Variants in ELAPOR1 observed in about 807,000 individuals in gnomAD.
ELAPOR1 encodes the protein endosome/lysosome-associated apoptosis and autophagy regulator 1.
Under a neutral mutation model 119.7 loss-of-function variants are expected in ELAPOR1, and 77 were observed. The ratio of observed to expected loss-of-function variants is 0.64; its 90% CI spans 0.54 to 0.78. The LOEUF (loss-of-function observed/expected upper bound fraction) is 0.78, where lower values mean the gene tolerates loss of function less well. Among genes scored for constraint, ELAPOR1 ranks in the 30% least tolerant of loss-of-function variants. The pLI is 0.00. For synonymous variants in ELAPOR1, 481 were observed against 487.2 expected (o/e 0.99, Z 0.17); for missense variants, 1,115 against 1,270.4 (o/e 0.88, Z 1.86).
At chr1:109,142,286 C>G (rs972943465) in intron 1 of ELAPOR1, among the ~76,000 whole-genome samples, 1 of 152,084 alleles carries the variant, frequency 6.6e-6, no homozygotes, top group East Asian at 1.9e-4. Context: ...AACTAGAAGA[C>G]GTATAGGTAG....
chr1:109,175,564 C>T (rs1490465696), intron 7 of ELAPOR1, among the ~76,000 whole-genome samples: 5 of 149,852 alleles, frequency 3.3e-5, no homozygotes, highest in Admixed American at 2.0e-4. Flanking sequence ...TGGTGGCTCG[C>T]GCCTGTAATC....
chr1:109,175,136 C>T (rs11102949), intron 7 of ELAPOR1, among the ~76,000 whole-genome samples: 70,357 of 151,822 alleles, frequency 0.46, 17,286 homozygotes, highest in African/African-American at 0.64. Flanking sequence ...GCTGGGATTA[C>T]AGACATGAGA....
intron 1 of ELAPOR1, among the ~76,000 whole-genome samples, chr1:109,138,568 C>G (rs953759134): frequency 4.6e-5 from 7 of 151,760 alleles, no homozygotes; most frequent in Non-Finnish European, 7.4e-5. Context: ...CCTCCCTCCC[C>G]ACCAGCAGCA....
Position 109,121,333 on chromosome 1 carries a change from G to GATGGT in ELAPOR1, c.153+6998_153+7002dup, listed in dbSNP as rs569674755. ...GGCTAATTTTTGTATTTTTAGTAGA[G>GATGGT]ATGGTGTTTCACCATGTTGGCTACA... is the stretch of plus-strand genomic sequence containing the variant. On this transcript the variant is annotated intron_variant, in intron 1 of 21. Transcript: ENST00000369939. 7.5e-3 allele frequency among the ~76,000 whole-genome samples: 1,135 copies of GATGGT among 152,168 alleles called. 18 individuals carry two copies. The highest frequency in any genetic ancestry group is 7.6e-3 in the Non-Finnish European group (516 of 68,004).
Position 109,114,165 on chromosome 1 carries a change from G to T in ELAPOR1, c.-19G>T. 1 of 1,535,440 alleles carries T rather than the reference G, an allele frequency of 6.5e-7. No homozygotes were observed. Among genetic ancestry groups the T allele is most frequent in the Non-Finnish European group, 8.8e-7 (1 of 1,138,800 alleles). On this transcript the variant is annotated 5_prime_UTR_variant, in exon 1 of 22. Transcript: ENST00000369939. Reference sequence around the variant, plus strand: ...CCGCAGCACCTGAGCCGCTACTGCCGCTCACTCAGGACAACGCTATGGCTG... The same window carrying T: ...CCGCAGCACCTGAGCCGCTACTGCCTCTCACTCAGGACAACGCTATGGCTG...
At chr1:109,154,527 C>T (rs550541060) in intron 1 of ELAPOR1, among the ~76,000 whole-genome samples, 2 of 152,292 alleles carry the variant, frequency 1.3e-5, no homozygotes, top group South Asian at 2.1e-4. Context: ...CACTAGCCCT[C>T]GTATCCCCTG....
chr1:109,164,687 A>C lies in ELAPOR1; in HGVS notation c.463A>C (p.Thr155Pro). The change falls in exon 3 of 22, where the codon ACT (threonine) becomes CCT (proline). Residue 155 changes from threonine to proline, a missense_variant. Physicochemically the swap from Thr to Pro is conservative, Grantham distance 38. Coordinates refer to ENST00000369939, the MANE Select transcript of ELAPOR1 (RefSeq NM_020775.5). ...TGCTGCTGAGTCCACCGGGAACTGTACTTCGTGAGTCTGCACACACCCCCA... is the reference window on the plus strand; with the variant it reads ...TGCTGCTGAGTCCACCGGGAACTGTCCTTCGTGAGTCTGCACACACCCCCA... Reference protein sequence around the residue: ...DSAAESTGNCTSSKWVPRGDY... With the variant: ...DSAAESTGNCPSSKWVPRGDY... The C allele has an allele frequency of 6.2e-7, 1 of 1,613,108 alleles. No homozygotes were observed. The highest frequency in any genetic ancestry group is 1.1e-5 in the South Asian group (1 of 91,038).
At chr1:109,140,522 T>C (rs1032798002) in intron 1 of ELAPOR1, among the ~76,000 whole-genome samples, 2 of 152,086 alleles carry the variant, frequency 1.3e-5, no homozygotes, top group African/African-American at 2.4e-5. Context: ...GAGAATGGAT[T>C]GGAGGGGAGA....
intron 1 of ELAPOR1, among the ~76,000 whole-genome samples, chr1:109,121,383 G>C (rs1265861842): frequency 6.6e-6 from 1 of 152,156 alleles, no homozygotes; most frequent in African/African-American, 2.4e-5. Flanking sequence ...TTGACCTCGG[G>C]TGATCCACCC....
intron 7 of ELAPOR1, among the ~76,000 whole-genome samples, chr1:109,182,040 A>C (rs900035509): frequency 9.2e-5 from 14 of 152,146 alleles, no homozygotes; most frequent in African/African-American, 3.4e-4. Flanking sequence ...CCCAAATAAA[A>C]ATAATTCCCG....
At chr1:109,136,200 T>A (rs903940381) in intron 1 of ELAPOR1, among the ~76,000 whole-genome samples, 2 of 152,172 alleles carry the variant, frequency 1.3e-5, no homozygotes, top group African/African-American at 4.8e-5. Context: ...TATTTGGAAA[T>A]GGGGTCTTTG....
chr1:109,114,242 G>T lies in ELAPOR1; in HGVS notation c.59G>T (p.Arg20Met), dbSNP rs758466135. 6.2e-7 allele frequency: 1 copy of T among 1,605,112 alleles called. No homozygotes were observed. The highest frequency in any genetic ancestry group is 8.5e-7 in the Non-Finnish European group (1 of 1,175,760). The change falls in exon 1 of 22, where the codon AGG becomes ATG. Residue 20 changes from arginine (R) to methionine (M), a missense_variant. By Grantham distance (91) the Arg-to-Met change is moderately conservative (BLOSUM62 -1). Coordinates refer to ENST00000369939, the MANE Select transcript of ELAPOR1 (RefSeq NM_020775.5). The part of the protein sequence containing the change: ...LSARVRGRTE[R>M]RIPRLWRLLL... ...GCCAGAGTCAGGGGAAGAACTGAGAGGCGCATACCCCGGCTGTGGCGGCTG... is the reference window on the plus strand; with the variant it reads ...GCCAGAGTCAGGGGAAGAACTGAGATGCGCATACCCCGGCTGTGGCGGCTG...
intron 1 of ELAPOR1, among the ~76,000 whole-genome samples, chr1:109,118,595 G>T (rs147548396): frequency 1.5e-4 from 23 of 152,300 alleles, no homozygotes; most frequent in African/African-American, 5.5e-4. Flanking sequence ...ATGGAAAGGC[G>T]TCTGTGTGAA....
At chr1:109,144,587 A>G (rs1322045346) in intron 1 of ELAPOR1, among the ~76,000 whole-genome samples, 3 of 152,040 alleles carry the variant, frequency 2.0e-5, no homozygotes, top group Non-Finnish European at 2.9e-5. Context: ...CTAAAAATAC[A>G]AAAAATTAGC....
intron 11 of ELAPOR1, 116 bp from the exon 12 acceptor site, chr1:109,191,250 T>G: frequency 4.4e-6 from 3 of 675,516 alleles, no homozygotes; most frequent in Non-Finnish European, 7.7e-6. Flanking sequence ...GTCCACACGC[T>G]TTCCATCATA....
intron 7 of ELAPOR1, among the ~76,000 whole-genome samples, chr1:109,175,096 A>C (rs972295530): frequency 1.3e-5 from 2 of 151,086 alleles, no homozygotes; most frequent in Admixed American, 6.6e-5. Flanking sequence ...CTGACCTCAA[A>C]GTGATCCTCC....
At chr1:109,189,812 C>T in intron 11 of ELAPOR1, 130 bp downstream of exon 11, 1 of 714,996 alleles carries the variant, frequency 1.4e-6, no homozygotes. Flanking sequence ...CAGTTGAGAA[C>T]AGAGGGTACA....
intron 1 of ELAPOR1, among the ~76,000 whole-genome samples, chr1:109,145,275 G>A (rs1478148114): frequency 6.6e-6 from 1 of 151,946 alleles, no homozygotes; most frequent in African/African-American, 2.4e-5. Flanking sequence ...CTCTAGAACG[G>A]TGAAAAAAAA....
At chr1:109,177,172 G>T (rs1407408635) in intron 7 of ELAPOR1, among the ~76,000 whole-genome samples, 1 of 149,318 alleles carries the variant, frequency 6.7e-6, no homozygotes, top group African/African-American at 2.5e-5. Context: ...TCACTTCCCA[G>T]TAGGGGCGGC....
Sources: allele counts gnomAD v4.1 joint callset (sites outside exome capture counted in the v4.1 genomes callset), GRCh38; gene constraint gnomAD v4.1.1; transcripts MANE v1.5; gene names NCBI Gene and HGNC (gene_info 2026-07-23, HGNC 2026-07-21).